DRC7: variants seen among roughly 807,000 people sequenced by gnomAD.
DRC7 encodes coiled-coil domain containing 135.
In DRC7, 80 loss-of-function variants were observed where a neutral mutation model predicts 104.4. That is an observed-to-expected ratio of 0.77 (90% CI 0.64 to 0.92). The LOEUF is 0.92. Ranked by LOEUF, DRC7 falls within the 40% of genes least tolerant of loss-of-function variation. DRC7 has a pLI of 0.00. For synonymous variants in DRC7, 405 were observed against 447.3 expected (o/e 0.91, Z 1.19); for missense variants, 1,034 against 1,141.1 (o/e 0.91, Z 1.35).
chr16:57,713,738 G>A lies in DRC7; in HGVS notation c.1078-4609G>A, dbSNP rs147379682. ...CCTTTTTAAGGTGACCCTGAGGAAC[G>A]GCTCGCTCATTTGTTTGGTGGCTTG... is the stretch of plus-strand genomic sequence containing the variant. On this transcript the variant is annotated intron_variant, in intron 8 of 18. Coordinates refer to ENST00000360716, the MANE Select transcript of DRC7 (RefSeq NM_001289162.2). The A allele has an allele frequency of 1.9e-3, 297 of 152,402 alleles. 9 individuals are homozygous for A. The South Asian group carries it at 0.034, about 17-fold the overall frequency. 9.4% of individuals were successfully genotyped at this position (152,402 alleles called of 1,614,324 possible).
At chr16:57,705,854 CCTCCTACCCACT>C (rs1468140001) in intron 7 of DRC7, among the ~76,000 whole-genome samples, 5 of 145,542 alleles carry the variant, frequency 3.4e-5, no homozygotes, top group African/African-American at 1.3e-4. Flanking sequence ...ATCTATCCAC[CCTCCTACCCACT>C]TATTCTCCCA....
Position 57,705,052 on chromosome 16 carries a change from A to G in DRC7, c.858+18A>G, listed in dbSNP as rs749986853. On this transcript the variant is annotated intron_variant, in intron 7 of 18. Coordinates refer to ENST00000360716, the MANE Select transcript of DRC7 (RefSeq NM_001289162.2). Reference sequence around the variant, plus strand: ...GCCTCATGGTGGGTCCTCAGCCCTGAATCCCCTGGGCTCAGCTATCGAGAA... The same window carrying G: ...GCCTCATGGTGGGTCCTCAGCCCTGGATCCCCTGGGCTCAGCTATCGAGAA... The G allele has an allele frequency of 1.9e-6, 3 of 1,609,086 alleles. No individual in the cohort carries two copies.
intron 8 of DRC7, among the ~76,000 whole-genome samples, chr16:57,714,487 A>G (rs1286017300): frequency 6.6e-6 from 1 of 152,134 alleles, no homozygotes; most frequent in African/African-American, 2.4e-5. Flanking sequence ...TTAGCCAGGC[A>G]TGATGGCATG....
At position 57,730,919 on chromosome 16, in the gene DRC7, C is replaced by T. The variant is rs2049054887; in HGVS notation, c.2392-12C>T. 6.2e-7 allele frequency: 1 copy of T among 1,612,642 alleles called. No individual in the cohort carries two copies. On this transcript the variant is annotated splice_polypyrimidine_tract_variant and intron_variant, in intron 17 of 18. Transcript: ENST00000360716. ...TGTCAGTCCTCCTTCTCTGTCTGCC[C>T]TATGACCACAGGAGACCCAGGAGCT...
At chr16:57,697,355 G>A (rs1180970764) in intron 2 of DRC7, among the ~76,000 whole-genome samples, 2 of 151,904 alleles carry the variant, frequency 1.3e-5, no homozygotes, top group African/African-American at 2.4e-5. Flanking sequence ...CAGGAAGATC[G>A]CTTGAGGCCA....
intron 5 of DRC7, chr16:57,701,727 A>G: frequency 1.8e-6 from 1 of 562,578 alleles, no homozygotes; most frequent in Non-Finnish European, 3.2e-6. Context: ...GCCCCTTCAA[A>G]TGACAGGCAA....
In DRC7 at chr16:57,702,145, G is replaced by A. The variant is rs1225858787; in HGVS notation, c.699+15G>A. 7 of 1,612,518 alleles carry A rather than the reference G, an allele frequency of 4.3e-6. No homozygotes were observed. Among genetic ancestry groups the A allele is most frequent in the African/African-American group, 2.7e-5 (2 of 74,884 alleles). On this transcript the variant is annotated intron_variant, in intron 6 of 18. Transcript: ENST00000360716. The stretch of plus-strand genomic sequence containing the variant: ...AGCCCAAGGAGGTATGGTCGGGCTT[G>A]AGCTGCCCGGGTTTCCCAAAGGATG...
chr16:57,704,796 G>T, intron 6 of DRC7, 80 bp from the exon 7 acceptor site: 6 of 1,530,050 alleles, frequency 3.9e-6, no homozygotes, highest in Non-Finnish European at 5.3e-6. Flanking sequence ...GGACTGGCTG[G>T]GCGGGTCTCA....
At chr16:57,725,962 G>A (rs765642400) in intron 13 of DRC7, 106 bp from the exon 14 acceptor site, 7 of 952,300 alleles carry the variant, frequency 7.4e-6, no homozygotes, top group Non-Finnish European at 9.7e-6. Flanking sequence ...AACGACCCCA[G>A]ACTCCAGTGT....
At position 57,711,652 on chromosome 16, in the gene DRC7, T is replaced by G. The variant is rs1287955556; in HGVS notation, c.1077+3974T>G. Reference sequence around the variant, plus strand: ...CTGGGGAATTGCAATAGAGAAAGAGTAATTCACGCAGAGCAGGCTGTGTAG... The same window carrying G: ...CTGGGGAATTGCAATAGAGAAAGAGGAATTCACGCAGAGCAGGCTGTGTAG... On this transcript the variant is annotated intron_variant, in intron 8 of 18. Coordinates refer to ENST00000360716, the MANE Select transcript of DRC7 (RefSeq NM_001289162.2). Among the ~76,000 whole-genome samples the G allele has an allele frequency of 2.6e-5, 4 of 152,064 alleles. No homozygotes were observed. The South Asian group carries it at 8.3e-4, about 31-fold the overall frequency.
At chr16:57,720,025 C>T (rs1035058790) in intron 9 of DRC7, among the ~76,000 whole-genome samples, 5 of 152,194 alleles carry the variant, frequency 3.3e-5, no homozygotes, top group African/African-American at 9.6e-5. Context: ...CCATTCAGCC[C>T]GTAGCAAAAG....
chr16:57,729,986 A>G (rs1597816814), intron 17 of DRC7, among the ~76,000 whole-genome samples: 2 of 122,244 alleles, frequency 1.6e-5, no homozygotes, highest in Non-Finnish European at 3.3e-5. Flanking sequence ...GGATAGATGG[A>G]CGGTTGGATG....
chr16:57,709,633 TC>T (rs1205424216), intron 8 of DRC7, among the ~76,000 whole-genome samples: 2 of 152,194 alleles, frequency 1.3e-5, no homozygotes, highest in Non-Finnish European at 2.9e-5. Flanking sequence ...CTGATTGTGT[TC>T]CCCCCTTTTT....
intron 5 of DRC7, among the ~76,000 whole-genome samples, chr16:57,700,656 CAAAA>C (rs59120133): frequency 1.1e-5 from 1 of 88,618 alleles, no homozygotes; most frequent in Non-Finnish European, 2.2e-5. Context: ...AAAACTCTCT[CAAAA>C]AAAAAAAAAA....
chr16:57,697,170 C>T (rs548229943), intron 2 of DRC7, among the ~76,000 whole-genome samples: 5 of 152,210 alleles, frequency 3.3e-5, no homozygotes, highest in African/African-American at 1.2e-4. Context: ...GCCTCGGCCT[C>T]CCAAAGTGCT....
chr16:57,702,249 C>A (rs553525253), intron 6 of DRC7, 119 bp downstream of exon 6: 408 of 965,548 alleles, frequency 4.2e-4, no homozygotes, highest in Non-Finnish European at 4.9e-4. Context: ...CACGCGGACA[C>A]AGATCCCTCA....
chr16:57,705,828 AT>A (rs2048715301), intron 7 of DRC7, among the ~76,000 whole-genome samples: 1 of 109,904 alleles, frequency 9.1e-6, no homozygotes, highest in Non-Finnish European at 1.8e-5. Context: ...CCATCCTCCC[AT>A]CCATCCATCC....
At chr16:57,701,714 A>G (rs1330537548) in intron 5 of DRC7, 11 of 554,484 alleles carry the variant, frequency 2.0e-5, no homozygotes, top group Non-Finnish European at 3.6e-5. Context: ...CAGGAAGTCC[A>G]TAGCCCCTTC....
At chr16:57,722,685 A>G (rs1167726299) in intron 10 of DRC7, 28 bp from the exon 11 acceptor site, 1 of 1,612,650 alleles carries the variant, frequency 6.2e-7, no homozygotes, top group Admixed American at 1.7e-5. Flanking sequence ...AACTAGCAAG[A>G]AGAGACCACA....
Sources: gnomAD v4.1 joint callset for allele counts (sites outside exome capture counted in the v4.1 genomes callset) on GRCh38, gnomAD v4.1.1 for gene constraint, MANE v1.5 for transcripts, NCBI Gene and HGNC (gene_info 2026-07-23, HGNC 2026-07-21) for gene names.